The following AP2B1 variants were observed in gnomAD, a reference collection of about 807,000 sequenced individuals.
AP2B1 encodes the protein adaptor related protein complex 2 subunit beta 1, also known as AP-2 complex subunit beta.
Under a neutral mutation model 102.0 loss-of-function variants are expected in AP2B1, and 23 were observed. The observed-to-expected ratio is 0.23, with a 90% CI of 0.16 to 0.32. AP2B1 has a LOEUF of 0.32. Among genes scored for constraint, AP2B1 ranks in the 10% least tolerant of loss-of-function variants. The pLI, the probability that AP2B1 is intolerant of heterozygous loss-of-function variation, is 1.00. For synonymous variants in AP2B1, 381 were observed against 421.2 expected (o/e 0.90, Z 1.17); for missense variants, 541 against 1,157.4 (o/e 0.47, Z 7.73).
At chr17:35,713,988 G>C (rs977335078) in intron 20 of AP2B1, among the ~76,000 whole-genome samples, 1 of 152,180 alleles carries the variant, frequency 6.6e-6, no homozygotes, top group Non-Finnish European at 1.5e-5. Context: ...TGGGACTACT[G>C]TCTTAAGTGC....
At position 35,594,488 on chromosome 17, in the gene AP2B1, C is replaced by T. The variant is rs573227606; in HGVS notation, c.37+421C>T. Among the ~76,000 whole-genome samples, 11 of 152,342 alleles carry T rather than the reference C, an allele frequency of 7.2e-5. No individual in the cohort carries two copies. The South Asian group carries it at 2.3e-3, about 32-fold the overall frequency. On this transcript the variant is annotated intron_variant, in intron 2 of 21. Coordinates refer to ENST00000610402, the MANE Select transcript of AP2B1 (RefSeq NM_001030006.2). ...AAGGTAAAAATGAAAGTTCTCCCTT[C>T]CTGTTCCTATTCCCAAGGGAACTTG...
intron 17 of AP2B1, among the ~76,000 whole-genome samples, chr17:35,680,686 G>GTTT (rs1167550201): frequency 0.021 from 1,236 of 59,736 alleles, 35 homozygotes; most frequent in Non-Finnish European, 0.031. Context: ...TATGGTTTTG[G>GTTT]TTTTTTTTTT....
intron 3 of AP2B1, among the ~76,000 whole-genome samples, chr17:35,602,867 T>C (rs1443816042): frequency 6.6e-6 from 1 of 152,172 alleles, no homozygotes; most frequent in African/African-American, 2.4e-5. Flanking sequence ...ATTGCTAGAA[T>C]TAAACTATTT....
chr17:35,675,374 T>G (rs1024142632), intron 17 of AP2B1, among the ~76,000 whole-genome samples: 2 of 152,248 alleles, frequency 1.3e-5, no homozygotes, highest in Non-Finnish European at 2.9e-5. Context: ...CTGATTTATT[T>G]CTCATCATTT....
chr17:35,710,107 A>T, intron 19 of AP2B1, 127 bp from the exon 20 acceptor site: 1 of 719,916 alleles, frequency 1.4e-6, no homozygotes, highest in South Asian at 1.5e-5. Flanking sequence ...CATTGGCTCC[A>T]TTCCCAGCCT....
At chr17:35,661,367 C>T (rs1404723450) in intron 14 of AP2B1, among the ~76,000 whole-genome samples, 1 of 152,070 alleles carries the variant, frequency 6.6e-6, no homozygotes, top group African/African-American at 2.4e-5. Context: ...GTGTTGAGAA[C>T]ATTAAACCAA....
rs1213888032 is a variant in AP2B1 at position 35,720,545 on chromosome 17, T to TTATATA, written c.2782-3056_2782-3051dup. On this transcript the variant is annotated intron_variant, in intron 21 of 21. Coordinates refer to ENST00000610402, the MANE Select transcript of AP2B1 (RefSeq NM_001030006.2). ...TTTGTCCCATATATTTTTATTTTAT[T>TTATATA]TATATATATATATATATATATATAT... Among the ~76,000 whole-genome samples the TTATATA allele has an allele frequency of 4.2e-3, 229 of 54,338 alleles. 2 individuals are homozygous for TTATATA. Among genetic ancestry groups the TTATATA allele is most frequent in the East Asian group, 0.025 (54 of 2,184 alleles). The allele number at this position is 54,338 out of a possible 152,430, so 35.6% of individuals were successfully genotyped here.
Position 35,688,880 on chromosome 17 carries a change from C to T in AP2B1, c.2454+6056C>T, listed in dbSNP as rs138130218. Among the ~76,000 whole-genome samples, 45 of 152,310 alleles carry T rather than the reference C, an allele frequency of 3.0e-4. 1 individual carries two copies. The East Asian group carries it at 8.1e-3, about 27-fold the overall frequency. Reference sequence around the variant, plus strand: ...TCAGGAAGCTGAAGTAGGAGAATTGCTTGAGCCAGGGAGGCAGAGGTTGCA... The same window carrying T: ...TCAGGAAGCTGAAGTAGGAGAATTGTTTGAGCCAGGGAGGCAGAGGTTGCA... On this transcript the variant is annotated intron_variant, in intron 18 of 21. Coordinates refer to ENST00000610402, the MANE Select transcript of AP2B1 (RefSeq NM_001030006.2).
intron 18 of AP2B1, among the ~76,000 whole-genome samples, chr17:35,693,350 A>G (rs759827712): frequency 6.6e-6 from 1 of 152,144 alleles, no homozygotes; most frequent in Non-Finnish European, 1.5e-5. Context: ...GTCTTCCTTT[A>G]GGTTCTATCT....
chr17:35,704,772 CCTGT>C (rs2076306705), intron 18 of AP2B1, among the ~76,000 whole-genome samples: 1 of 152,108 alleles, frequency 6.6e-6, no homozygotes, highest in Non-Finnish European at 1.5e-5. Context: ...GTGGCTCACG[CCTGT>C]AATTCCAGCC....
intron 14 of AP2B1, chr17:35,659,679 G>C (rs2075314692): frequency 2.4e-6 from 1 of 411,276 alleles, no homozygotes; most frequent in African/African-American, 2.2e-5. Flanking sequence ...ACCTTTGCTA[G>C]ATAGGCCCAG....
rs1448741512 is a variant in AP2B1 at position 35,718,362 on chromosome 17, G to A, written c.2781+1013G>A. 2.8e-5 allele frequency among the ~76,000 whole-genome samples: 4 copies of A among 145,144 alleles called. No homozygotes were observed. The South Asian group carries it at 6.6e-4, about 24-fold the overall frequency. Reference sequence around the variant, plus strand: ...TGTGTGTGTGTGTGTGTGTGTGCTCGCTCCTGAGGCCTATCAAGTTAGACT... The same window carrying A: ...TGTGTGTGTGTGTGTGTGTGTGCTCACTCCTGAGGCCTATCAAGTTAGACT... On this transcript the variant is annotated intron_variant, in intron 21 of 21. Transcript: ENST00000610402.
intron 11 of AP2B1, among the ~76,000 whole-genome samples, chr17:35,641,418 C>A (rs1054378430): frequency 1.2e-4 from 18 of 152,036 alleles, no homozygotes; most frequent in Non-Finnish European, 2.5e-4. Flanking sequence ...ACAAACAATA[C>A]AAAAATTTTA....
At chr17:35,684,711 C>T (rs80196649) in intron 18 of AP2B1, among the ~76,000 whole-genome samples, 393 of 152,314 alleles carry the variant, frequency 2.6e-3, no homozygotes, top group Middle Eastern at 6.8e-3. Context: ...CCTGAAGAAA[C>T]TTAACCCAAA....
At chr17:35,619,343 C>T (rs1445228619) in intron 5 of AP2B1, among the ~76,000 whole-genome samples, 4 of 152,022 alleles carry the variant, frequency 2.6e-5, no homozygotes, top group South Asian at 2.1e-4. Context: ...ATACAAATTG[C>T]TTATCATTAA....
intron 2 of AP2B1, among the ~76,000 whole-genome samples, chr17:35,597,863 C>G (rs966477353): frequency 1.3e-5 from 2 of 152,104 alleles, no homozygotes; most frequent in African/African-American, 4.8e-5. Context: ...GCGCCTGCTC[C>G]CTACCTACGT....
intron 3 of AP2B1, among the ~76,000 whole-genome samples, chr17:35,602,605 G>A (rs2073526417): frequency 6.6e-6 from 1 of 152,158 alleles, no homozygotes; most frequent in Non-Finnish European, 1.5e-5. Flanking sequence ...TATCCTTTCA[G>A]TATGTAATCA....
Sources: gnomAD v4.1 joint callset for allele counts (sites outside exome capture counted in the v4.1 genomes callset) on GRCh38, gnomAD v4.1.1 for gene constraint, MANE v1.5 for transcripts, NCBI Gene and HGNC (gene_info 2026-07-23, HGNC 2026-07-21) for gene names.